SHC3: variants seen among roughly 807,000 people sequenced by gnomAD.
SHC3 encodes the protein SHC-transforming protein 3.
A neutral mutation model predicts 60.4 loss-of-function variants in SHC3; 15 were observed. The ratio of observed to expected loss-of-function variants is 0.25; its 90% CI spans 0.17 to 0.38. The LOEUF is 0.38. Among genes scored for constraint, SHC3 ranks in the 10% least tolerant of loss-of-function variants. The pLI is 1.00. For missense variants in SHC3, 677 were observed against 786.1 expected (o/e 0.86, Z 1.66); for synonymous variants, 294 against 325.9 (o/e 0.90, Z 1.05).
chr9:89,141,192 T>C (rs999366630), intron 1 of SHC3, among the ~76,000 whole-genome samples: 1 of 152,190 alleles, frequency 6.6e-6, no homozygotes, highest in Admixed American at 6.5e-5. Flanking sequence ...GGGATGCCAT[T>C]GTAATGGCAG....
chr9:89,116,872 C>T (rs144003079), intron 1 of SHC3, among the ~76,000 whole-genome samples: 38 of 152,174 alleles, frequency 2.5e-4, no homozygotes, highest in African/African-American at 8.9e-4. Context: ...CATCCACCAG[C>T]ACAGAATCAA....
At chr9:89,020,018 T>C (rs1328923792) in intron 11 of SHC3, among the ~76,000 whole-genome samples, 2 of 152,202 alleles carry the variant, frequency 1.3e-5, no homozygotes, top group Non-Finnish European at 2.9e-5. Flanking sequence ...GAATGGTTCA[T>C]AGTAAGGAAT....
At chr9:89,122,080 C>G (rs189801077) in intron 1 of SHC3, among the ~76,000 whole-genome samples, 1 of 152,350 alleles carries the variant, frequency 6.6e-6, no homozygotes, top group African/African-American at 2.4e-5. Flanking sequence ...TACCCCAACA[C>G]AAGCATTCCC....
chr9:89,100,396 T>TTTG (rs934106153), intron 2 of SHC3, among the ~76,000 whole-genome samples: 1 of 152,046 alleles, frequency 6.6e-6, no homozygotes. Flanking sequence ...TATGAGGGTT[T>TTTG]TTGTTGTTGT....
Position 89,052,081 on chromosome 9 carries a change from C to T in SHC3, c.918G>A (p.Lys306=), listed in dbSNP as rs200018303. 2 of 1,614,140 alleles carry T rather than the reference C, an allele frequency of 1.2e-6. No homozygotes were observed. Among genetic ancestry groups the T allele is most frequent in the African/African-American group, 2.7e-5 (2 of 75,062 alleles). ...SIGQAFELRF[K]QYLQCPTKIP... is the part of the protein sequence containing the mutation. ...TCTTGGTAGGACACTGTAAATATTG[C>T]TTAAACCGGAGCTCAAAGGCTTGTC... is the stretch of plus-strand genomic sequence containing the variant. The change falls in exon 7 of 12, where the codon AAG becomes AAA. Residue 306 remains lysine (K), a synonymous_variant. Coordinates refer to ENST00000375835, the MANE Select transcript of SHC3 (RefSeq NM_016848.6).
At chr9:89,167,445 A>C (rs1389887035) in intron 1 of SHC3, among the ~76,000 whole-genome samples, 1 of 152,216 alleles carries the variant, frequency 6.6e-6, no homozygotes, top group Admixed American at 6.5e-5. Context: ...AGCAAGGGGT[A>C]CCATGATCCC....
chr9:89,033,879 C>T (rs1336131118), intron 11 of SHC3, among the ~76,000 whole-genome samples: 2 of 152,114 alleles, frequency 1.3e-5, no homozygotes, highest in Admixed American at 1.3e-4. Context: ...GTGTAGGAAG[C>T]CTAGCTCATC....
intron 3 of SHC3, among the ~76,000 whole-genome samples, chr9:89,075,544 A>G (rs17054714): frequency 0.032 from 4,928 of 152,290 alleles, 133 homozygotes; most frequent in African/African-American, 0.071. Context: ...AGAAGTCCTC[A>G]TATGTAAACC....
At chr9:89,061,992 C>T (rs1047084546) in intron 6 of SHC3, among the ~76,000 whole-genome samples, 35 of 152,182 alleles carry the variant, frequency 2.3e-4, no homozygotes, top group South Asian at 4.1e-4. Context: ...ATATAGGAAA[C>T]AACTTTCCAT....
intron 1 of SHC3, among the ~76,000 whole-genome samples, chr9:89,164,555 A>C (rs145713656): frequency 2.0e-5 from 3 of 152,256 alleles, no homozygotes; most frequent in African/African-American, 7.2e-5. Flanking sequence ...TACACTCATA[A>C]TAAGGAATTT....
At chr9:89,085,440 G>A (rs929411278) in intron 2 of SHC3, among the ~76,000 whole-genome samples, 6 of 152,256 alleles carry the variant, frequency 3.9e-5, no homozygotes, top group South Asian at 4.1e-4. Flanking sequence ...CCGTGCTCTC[G>A]CAGTTCCCCA....
At chr9:89,091,113 C>A (rs943097155) in intron 2 of SHC3, among the ~76,000 whole-genome samples, 1 of 152,128 alleles carries the variant, frequency 6.6e-6, no homozygotes, top group Non-Finnish European at 1.5e-5. Flanking sequence ...ATTAATTTAT[C>A]AATTTAATTG....
At chr9:89,158,604 G>A (rs1826661308) in intron 1 of SHC3, among the ~76,000 whole-genome samples, 1 of 152,132 alleles carries the variant, frequency 6.6e-6, no homozygotes, top group Non-Finnish European at 1.5e-5. Flanking sequence ...TCAATGGCTA[G>A]TGGTATCAAT....
At chr9:89,116,291 A>G (rs141567823) in intron 1 of SHC3, among the ~76,000 whole-genome samples, 12 of 152,306 alleles carry the variant, frequency 7.9e-5, no homozygotes, top group African/African-American at 2.9e-4. Flanking sequence ...ACACCACAAC[A>G]AACGTTGCAG....
At chr9:89,061,629 C>T (rs1287146364) in intron 6 of SHC3, among the ~76,000 whole-genome samples, 1 of 152,164 alleles carries the variant, frequency 6.6e-6, no homozygotes, top group Non-Finnish European at 1.5e-5. Flanking sequence ...ACGGTTTATC[C>T]GAAGTTTGTG....
In SHC3 at chr9:89,123,458, G is replaced by A. The variant is rs572768269; in HGVS notation, c.475-10832C>T. Among the ~76,000 whole-genome samples the A allele has an allele frequency of 1.6e-4, 24 of 152,218 alleles. 1 individual carries two copies. Among genetic ancestry groups the A allele is most frequent in the South Asian group, 1.0e-3 (5 of 4,818 alleles). On this transcript the variant is annotated intron_variant, in intron 1 of 11. Coordinates refer to ENST00000375835, the MANE Select transcript of SHC3 (RefSeq NM_016848.6). Reference sequence around the variant, plus strand: ...ATGAGAGATGGAAGAGGGAAGGGGAGGCAGTGAGACCAGCCAGCCCTCTTC... The same window carrying A: ...ATGAGAGATGGAAGAGGGAAGGGGAAGCAGTGAGACCAGCCAGCCCTCTTC...
intron 10 of SHC3, among the ~76,000 whole-genome samples, chr9:89,038,615 A>C (rs1309538121): frequency 1.3e-5 from 2 of 152,240 alleles, no homozygotes. Context: ...ATGCTGCAAG[A>C]GGCCATGAAT....
chr9:89,034,372 A>G (rs556047738), intron 11 of SHC3, among the ~76,000 whole-genome samples: 1 of 152,360 alleles, frequency 6.6e-6, no homozygotes, highest in Non-Finnish European at 1.5e-5. Context: ...ACAATCATCT[A>G]AAAGATAATC....
At chr9:89,131,302 G>T (rs1039249160) in intron 1 of SHC3, among the ~76,000 whole-genome samples, 4 of 152,144 alleles carry the variant, frequency 2.6e-5, no homozygotes, top group African/African-American at 9.7e-5. Context: ...AGACCAGATG[G>T]ATTCACAGCC....
Sources: allele counts gnomAD v4.1 joint callset (sites outside exome capture counted in the v4.1 genomes callset), GRCh38; gene constraint gnomAD v4.1.1; transcripts MANE v1.5; gene names NCBI Gene and HGNC (gene_info 2026-07-23, HGNC 2026-07-21).